Variants in LPGAT1 observed in about 807,000 individuals in gnomAD.
The protein encoded by LPGAT1 is lysophosphatidylglycerol acyltransferase 1, also known as acyl-CoA:lysophosphatidylglycerol acyltransferase 1.
LPGAT1 carries 11 observed loss-of-function variants against 47.5 expected under a neutral mutation model. The ratio of observed to expected loss-of-function variants is 0.23; its 90% CI spans 0.15 to 0.38. LPGAT1 has a LOEUF of 0.38. LPGAT1 is among the 10% of genes least tolerant of loss of function. The probability of loss-of-function intolerance (pLI) is 1.00; values close to 1 mark genes in which losing one functional copy is unlikely to be tolerated. For missense variants in LPGAT1, 293 were observed against 439.0 expected, an observed-to-expected ratio of 0.67 and a Z score of 2.97; for synonymous variants, 138 against 144.2, an observed-to-expected ratio of 0.96 and a Z score of 0.31.
chr1:211,745,683 T>C lies in LPGAT1; in HGVS notation c.*4216A>G, dbSNP rs1012720049. On this transcript the variant is annotated 3_prime_UTR_variant, in exon 8 of 8. Coordinates refer to ENST00000366997, the MANE Select transcript of LPGAT1 (RefSeq NM_014873.3). The stretch of plus-strand genomic sequence containing the variant: ...CCCTCAGCTTATTCCCAGGGTCCAG[T>C]TCCTAATTGTTGGGGATTGGCGCAA... The C allele has an allele frequency of 6.5e-6, 1 of 152,782 alleles. No individual in the cohort carries two copies. The highest frequency in any genetic ancestry group is 1.5e-5 in the Non-Finnish European group (1 of 68,032). The allele number at this position is 152,782 out of a possible 1,614,324, so 9.5% of individuals were successfully genotyped here.
Position 211,749,693 on chromosome 1 carries a change from C to T in LPGAT1, c.*206G>A, listed in dbSNP as rs1657093734. On this transcript the variant is annotated 3_prime_UTR_variant, in exon 8 of 8. Coordinates refer to ENST00000366997, the MANE Select transcript of LPGAT1 (RefSeq NM_014873.3). Reference sequence around the variant, plus strand: ...AGAGTGTATCTTTTTAAAACATGTTCTTAAAATATATTAGCAGGTCATTAT... The same window carrying T: ...AGAGTGTATCTTTTTAAAACATGTTTTTAAAATATATTAGCAGGTCATTAT... 1.9e-6 allele frequency: 1 copy of T among 516,974 alleles called. No homozygotes were observed. The highest frequency in any genetic ancestry group is 3.9e-5 in the Admixed American group (1 of 25,814). The allele number at this position is 516,974 out of a possible 1,614,324, so 32.0% of individuals were successfully genotyped here.
rs553341192 is a variant in LPGAT1, at chr1:211,754,913, G to A, written c.855-3846C>T. On this transcript the variant is annotated intron_variant, in intron 6 of 7. Transcript: ENST00000366997. ...GCCTGTAATCCCAGCTACTAGGTAGGCTGAGGCAGAGAACTGCTTGAACCC... is the reference window on the plus strand; with the variant it reads ...GCCTGTAATCCCAGCTACTAGGTAGACTGAGGCAGAGAACTGCTTGAACCC... Among the ~76,000 whole-genome samples the A allele has an allele frequency of 2.0e-5, 3 of 152,108 alleles. No homozygotes were observed. The East Asian group carries it at 5.8e-4, about 29-fold the overall frequency.
At chr1:211,758,818 T>C (rs1039023723) in intron 6 of LPGAT1, among the ~76,000 whole-genome samples, 1 of 152,252 alleles carries the variant, frequency 6.6e-6, no homozygotes, top group African/African-American at 2.4e-5. Context: ...TATTATTTGC[T>C]GTAAAATTTT....
At chr1:211,758,891 TAA>T (rs1333075063) in intron 6 of LPGAT1, among the ~76,000 whole-genome samples, 1 of 152,218 alleles carries the variant, frequency 6.6e-6, no homozygotes, top group East Asian at 1.9e-4. Context: ...TCCAATTTGC[TAA>T]GAGTGTTTTC....
intron 6 of LPGAT1, among the ~76,000 whole-genome samples, chr1:211,759,694 C>G (rs891483476): frequency 6.6e-6 from 1 of 152,176 alleles, no homozygotes; most frequent in African/African-American, 2.4e-5. Flanking sequence ...CATCTCACAA[C>G]TTTTGATAGA....
At chr1:211,760,155 T>G (rs1657632098) in intron 6 of LPGAT1, among the ~76,000 whole-genome samples, 1 of 152,206 alleles carries the variant, frequency 6.6e-6, no homozygotes, top group Non-Finnish European at 1.5e-5. Context: ...ATCCATGAAG[T>G]CTCTTTAAGA....
In LPGAT1 at chr1:211,830,300, C is replaced by A; in HGVS notation, c.-28+273G>T. The A allele has an allele frequency of 1.9e-6, 2 of 1,069,182 alleles. No homozygotes were observed. Among genetic ancestry groups the A allele is most frequent in the Non-Finnish European group, 2.3e-6 (2 of 884,146 alleles). 66.2% of individuals were successfully genotyped at this position (1,069,182 alleles called of 1,614,324 possible). On this transcript the variant is annotated intron_variant, in intron 1 of 7. Transcript: ENST00000366997. This position sits in a 1 kb window ranked among gnomAD's most constrained non-coding sequence, Gnocchi z 5.9. ...CGGCCCGAGGCGCTGCGCGAGCGGG[C>A]GCGCTGGCGCCCTACTCCCCTCGCG...
At chr1:211,772,690 G>A (rs764297282) in intron 6 of LPGAT1, among the ~76,000 whole-genome samples, 3 of 152,144 alleles carry the variant, frequency 2.0e-5, no homozygotes, top group South Asian at 2.1e-4. Flanking sequence ...TGAAAATAAC[G>A]TAGAGGAAAT....
rs113408946 is a variant in LPGAT1 at position 211,814,943 on chromosome 1, C to T, written c.238+14116G>A. ...AAATGCTCAGCTGCATTCAGCGGGTCCCTGCATTGAAACACTGTGGACTTC... is the reference window on the plus strand; with the variant it reads ...AAATGCTCAGCTGCATTCAGCGGGTTCCTGCATTGAAACACTGTGGACTTC... On this transcript the variant is annotated intron_variant, in intron 2 of 7. Transcript: ENST00000366997. 7.9e-3 allele frequency among the ~76,000 whole-genome samples: 1,207 copies of T among 152,274 alleles called. 21 individuals are homozygous for T. Among genetic ancestry groups the T allele is most frequent in the African/African-American group, 0.027 (1,125 of 41,538 alleles).
chr1:211,823,043 T>C (rs1379120951), intron 2 of LPGAT1, among the ~76,000 whole-genome samples: 1 of 152,190 alleles, frequency 6.6e-6, no homozygotes, highest in East Asian at 1.9e-4. Flanking sequence ...CAGAAAGAGA[T>C]TCCATGCCTC....
chr1:211,766,655 T>A (rs956300405), intron 6 of LPGAT1, among the ~76,000 whole-genome samples: 1 of 152,216 alleles, frequency 6.6e-6, no homozygotes, highest in African/African-American at 2.4e-5. Flanking sequence ...CTGTGGAGTA[T>A]TGGTTGTTTA....
chr1:211,830,220 G>C lies in LPGAT1; in HGVS notation c.-28+353C>G, dbSNP rs1660685714. 21 of 983,578 alleles carry C rather than the reference G, an allele frequency of 2.1e-5. No individual in the cohort carries two copies. The highest frequency in any genetic ancestry group is 3.5e-5 in the African/African-American group (2 of 56,944). The allele number at this position is 983,578 out of a possible 1,614,324, so 60.9% of individuals were successfully genotyped here. A position where few individuals can be genotyped will look rare whatever the true frequency, so the allele number is the denominator to read the frequency against. On this transcript the variant is annotated intron_variant, in intron 1 of 7. Coordinates refer to ENST00000366997, the MANE Select transcript of LPGAT1 (RefSeq NM_014873.3). This position sits in a 1 kb window ranked among gnomAD's most constrained non-coding sequence, Gnocchi z 5.9. ...GGACGGCGGGCGGCTGCGGAGAGCGGGGGCGGGTGTCCCCCGCCGAGGGGT... is the reference window on the plus strand; with the variant it reads ...GGACGGCGGGCGGCTGCGGAGAGCGCGGGCGGGTGTCCCCCGCCGAGGGGT...
intron 6 of LPGAT1, among the ~76,000 whole-genome samples, chr1:211,771,361 T>C (rs956358288): frequency 5.3e-5 from 8 of 152,168 alleles, no homozygotes; most frequent in Non-Finnish European, 8.8e-5. Context: ...TCAGAAGGTA[T>C]CCCTGTCATT....
At chr1:211,793,240 T>C (rs1659209276) in intron 2 of LPGAT1, 50 bp from the exon 3 acceptor site, 2 of 1,193,910 alleles carry the variant, frequency 1.7e-6, no homozygotes, top group East Asian at 4.7e-5. Flanking sequence ...ATTTTTATAT[T>C]ATCACAAACC....
At chr1:211,797,956 A>AAC (rs1018595087) in intron 2 of LPGAT1, among the ~76,000 whole-genome samples, 1 of 151,956 alleles carries the variant, frequency 6.6e-6, no homozygotes, top group African/African-American at 2.4e-5. Flanking sequence ...ACATACACAC[A>AAC]ACACACACAC....
chr1:211,765,736 C>A (rs1050728253), intron 6 of LPGAT1, among the ~76,000 whole-genome samples: 15 of 152,104 alleles, frequency 9.9e-5, no homozygotes, highest in Admixed American at 6.5e-5. Flanking sequence ...TTGATAATAA[C>A]CCAGTAAATT....
At chr1:211,764,372 TTACAG>T (rs1324200369) in intron 6 of LPGAT1, among the ~76,000 whole-genome samples, 3 of 152,192 alleles carry the variant, frequency 2.0e-5, no homozygotes, top group Non-Finnish European at 4.4e-5. Flanking sequence ...CAGAATTAAA[TTACAG>T]TAATCTGTGA....
intron 2 of LPGAT1, among the ~76,000 whole-genome samples, chr1:211,802,644 A>C (rs1659619036): frequency 1.3e-5 from 2 of 152,178 alleles, no homozygotes; most frequent in Admixed American, 6.5e-5. Context: ...AAAACAAGAG[A>C]AGACTTGAAC....
chr1:211,822,603 C>A (rs1369143795), intron 2 of LPGAT1, among the ~76,000 whole-genome samples: 1 of 151,912 alleles, frequency 6.6e-6, no homozygotes, highest in Admixed American at 6.6e-5. Flanking sequence ...ATGGTGAAAC[C>A]CCATCTCTAC....
Sources: allele counts gnomAD v4.1 joint callset (sites outside exome capture counted in the v4.1 genomes callset), GRCh38; gene constraint gnomAD v4.1.1; non-coding constraint Gnocchi (gnomAD v3.1); transcripts MANE v1.5; gene names NCBI Gene and HGNC (gene_info 2026-07-23, HGNC 2026-07-21).